PCSK6: variants seen among roughly 807,000 people sequenced by gnomAD.
PCSK6 encodes the protein proprotein convertase subtilisin/kexin type 6, also known as paired basic amino acid cleaving enzyme 4.
Under a neutral mutation model 123.3 loss-of-function variants are expected in PCSK6, and 85 were observed. That is an observed-to-expected ratio of 0.69 (90% CI 0.58 to 0.83). PCSK6 has a LOEUF of 0.83. Ranked by LOEUF, PCSK6 falls within the 40% of genes least tolerant of loss-of-function variation. PCSK6 has a pLI of 0.00. For missense variants in PCSK6, 1,191 were observed against 1,282.3 expected, an observed-to-expected ratio of 0.93 and a Z score of 1.09; for synonymous variants, 508 against 516.0, an observed-to-expected ratio of 0.98 and a Z score of 0.21.
At chr15:101,336,415 G>A (rs894060633) in intron 13 of PCSK6, among the ~76,000 whole-genome samples, 7 of 152,136 alleles carry the variant, frequency 4.6e-5, no homozygotes, top group African/African-American at 7.2e-5. Context: ...ATTACTAGAC[G>A]TAAAACTCGT....
intron 7 of PCSK6, 49 bp from the exon 8 acceptor site, chr15:101,393,473 G>T (rs2042297424): frequency 2.7e-6 from 4 of 1,482,442 alleles, no homozygotes; most frequent in Non-Finnish European, 2.8e-6. Flanking sequence ...GAACCTCGTA[G>T]GGTGGGTCTC....
intron 15 of PCSK6, among the ~76,000 whole-genome samples, chr15:101,328,517 C>T (rs192263062): frequency 3.7e-4 from 56 of 152,254 alleles, no homozygotes; most frequent in African/African-American, 1.3e-3. Context: ...CATCTCCAGA[C>T]AGAATGTTCT....
At position 101,307,695 on chromosome 15, in the gene PCSK6, C is replaced by T. The variant is rs539534864; in HGVS notation, c.2700-370G>A. On this transcript the variant is annotated intron_variant, in intron 20 of 21. Coordinates refer to ENST00000611716, the MANE Select transcript of PCSK6 (RefSeq NM_002570.5). ...AGCTGTGTCAGTCTTCTCTCTCCAG[C>T]GGCTGCCGGGCTGCGATGGCTGTAG... The T allele has an allele frequency of 2.7e-5, 6 of 218,922 alleles. No homozygotes were observed. The East Asian group carries it at 3.7e-4, about 13-fold the overall frequency. 13.6% of individuals were successfully genotyped at this position (218,922 alleles called of 1,614,324 possible). A position where few individuals can be genotyped will look rare whatever the true frequency, so the allele number is the denominator to read the frequency against.
At chr15:101,419,229 C>G (rs182388913) in intron 6 of PCSK6, among the ~76,000 whole-genome samples, 1 of 151,430 alleles carries the variant, frequency 6.6e-6, no homozygotes, top group Non-Finnish European at 1.5e-5. Flanking sequence ...ACAACAGCAC[C>G]CACAGAGATC....
intron 21 of PCSK6, 67 bp downstream of exon 21, chr15:101,307,146 T>C (rs2039741598): frequency 1.3e-5 from 16 of 1,213,020 alleles, no homozygotes; most frequent in Non-Finnish European, 1.6e-5. Flanking sequence ...GCTTTTCTCT[T>C]TGGAGCACGA....
At chr15:101,361,956 CT>C (rs10639429) in intron 13 of PCSK6, among the ~76,000 whole-genome samples, 217 of 111,504 alleles carry the variant, frequency 1.9e-3, no homozygotes, top group African/African-American at 3.2e-3. Context: ...CAAGGTGAAG[CT>C]TTTTTTTTTT....
chr15:101,336,908 C>G (rs1377198363), intron 13 of PCSK6: 1 of 152,222 alleles, frequency 6.6e-6, no homozygotes, highest in Non-Finnish European at 1.5e-5. Flanking sequence ...CTGCATGTGC[C>G]TCCAAAAGAG....
Position 101,366,284 on chromosome 15 carries a change from A to G in PCSK6, c.1770T>C (p.Thr590=). 1 of 1,613,608 alleles carries G rather than the reference A, an allele frequency of 6.2e-7. No homozygotes were observed. Among genetic ancestry groups the G allele is most frequent in the Non-Finnish European group, 8.5e-7 (1 of 1,179,692 alleles). The change falls in exon 13 of 22, where the codon ACT becomes ACC. Residue 590 remains threonine (T), a synonymous_variant. Coordinates refer to ENST00000611716, the MANE Select transcript of PCSK6 (RefSeq NM_002570.5). ...CAGCCTTTTCTCCCCAGCAGTGGAC[A>G]GTCATGAATTCCCAGTTTGTAAACC... is the stretch of plus-strand genomic sequence containing the variant. ...NEGFTNWEFM[T]VHCWGEKAEG...
intron 21 of PCSK6, 122 bp downstream of exon 21, chr15:101,307,091 G>A: frequency 2.9e-6 from 2 of 682,808 alleles, no homozygotes; most frequent in South Asian, 1.7e-5. Flanking sequence ...ATCGGATCAG[G>A]GGCACGAACG....
intron 13 of PCSK6, among the ~76,000 whole-genome samples, chr15:101,345,158 A>G (rs1022032281): frequency 6.6e-6 from 1 of 152,200 alleles, no homozygotes; most frequent in African/African-American, 2.4e-5. Context: ...GATGCCTTCA[A>G]GCAAAAGCCG....
intron 11 of PCSK6, among the ~76,000 whole-genome samples, chr15:101,375,242 G>T (rs917124209): frequency 6.6e-6 from 1 of 152,054 alleles, no homozygotes; most frequent in African/African-American, 2.4e-5. Context: ...CGTGAGCCAC[G>T]GCGCCCGGCC....
intron 13 of PCSK6, among the ~76,000 whole-genome samples, chr15:101,343,223 T>C (rs2040658633): frequency 6.7e-6 from 1 of 148,958 alleles, no homozygotes; most frequent in South Asian, 2.1e-4. Context: ...GCGTTTTTCT[T>C]TCCTGAAATC....
At chr15:101,311,413 C>T (rs1400832524) in intron 20 of PCSK6, among the ~76,000 whole-genome samples, 1 of 151,820 alleles carries the variant, frequency 6.6e-6, no homozygotes, top group African/African-American at 2.4e-5. Flanking sequence ...AGGCGTGAGC[C>T]ACCGTGCCCG....
At chr15:101,328,051 G>A (rs573902270) in intron 15 of PCSK6, among the ~76,000 whole-genome samples, 1 of 152,208 alleles carries the variant, frequency 6.6e-6, no homozygotes, top group South Asian at 2.1e-4. Context: ...CCTCATCCTG[G>A]GTCATCTATG....
rs529724125 is a variant in PCSK6, at chr15:101,406,410, G to A, written c.824-7834C>T. On this transcript the variant is annotated intron_variant, in intron 6 of 21. Coordinates refer to ENST00000611716, the MANE Select transcript of PCSK6 (RefSeq NM_002570.5). ...CAGGAGCAAATAAAATTAGACTGTC[G>A]CTTCCTGAGTGTGACAAATAGGCCT... is the stretch of plus-strand genomic sequence containing the variant. Among the ~76,000 whole-genome samples the A allele has an allele frequency of 3.9e-5, 6 of 152,274 alleles. No individual in the cohort carries two copies. The South Asian group carries it at 6.2e-4, about 16-fold the overall frequency.
chr15:101,417,269 A>G (rs2055921122), intron 6 of PCSK6, among the ~76,000 whole-genome samples: 1 of 152,182 alleles, frequency 6.6e-6, no homozygotes, highest in Non-Finnish European at 1.5e-5. Flanking sequence ...ATGTGGAACT[A>G]TAAGTTCAAT....
intron 6 of PCSK6, among the ~76,000 whole-genome samples, chr15:101,408,346 C>G (rs533107657): frequency 6.6e-6 from 1 of 152,332 alleles, no homozygotes; most frequent in African/African-American, 2.4e-5. Flanking sequence ...CTTATGTACA[C>G]CCAGGAAGAA....
In PCSK6 at chr15:101,489,621, G is replaced by A. The variant is rs2058126796; in HGVS notation, c.50C>T (p.Ala17Val). 1.0e-6 allele frequency: 1 copy of A among 974,262 alleles called. No homozygotes were observed. The highest frequency in any genetic ancestry group is 1.2e-6 in the Non-Finnish European group (1 of 824,208). The allele number at this position is 974,262 out of a possible 1,614,324, so 60.4% of individuals were successfully genotyped here. The change falls in exon 1 of 22, where the codon GCC (alanine) becomes GTC (valine). Residue 17 changes from alanine (A) to valine (V), a missense_variant. Physicochemically the swap from Ala to Val is moderately conservative, Grantham distance 64. This residue lies in a region of PCSK6 where 204 missense variants were observed against 166.4 expected (regional missense o/e 1.23). Coordinates refer to ENST00000611716, the MANE Select transcript of PCSK6 (RefSeq NM_002570.5). The part of the protein sequence containing the change: ...PAPGPRPPPR[A>V]AAATDTAAGA... ...CGCGGCGGTGTCGGTGGCGGCGGCG[G>A]CCCGGGGCGGCGGCCGGGGCCCGGG...
In PCSK6 at chr15:101,353,184, G is replaced by A. The variant is rs370690116; in HGVS notation, c.1858+13012C>T. Among the ~76,000 whole-genome samples the A allele has an allele frequency of 2.6e-5, 4 of 152,234 alleles. No homozygotes were observed. In the East Asian group the frequency reaches 5.8e-4, roughly 22 times the overall value. Reference sequence around the variant, plus strand: ...TGAGCTTCTTTCCCTGCGACTAGACGGTCCCGTCTGGGGGTGATGGGAGAC... The same window carrying A: ...TGAGCTTCTTTCCCTGCGACTAGACAGTCCCGTCTGGGGGTGATGGGAGAC... On this transcript the variant is annotated intron_variant, in intron 13 of 21. Transcript: ENST00000611716.
Sources: allele counts gnomAD v4.1 joint callset (sites outside exome capture counted in the v4.1 genomes callset), GRCh38; gene constraint gnomAD v4.1.1; regional missense constraint gnomAD v4.1.1; transcripts MANE v1.5; gene names NCBI Gene and HGNC (gene_info 2026-07-23, HGNC 2026-07-21).